DIS3L2: variants seen among roughly 807,000 people sequenced by gnomAD.
DIS3L2 encodes DIS3 like 3'-5' exoribonuclease 2, also known as DIS3-like exonuclease 2.
DIS3L2 carries 34 observed loss-of-function variants against 97.5 expected under a neutral mutation model. The ratio of observed to expected loss-of-function variants is 0.35; its 90% CI spans 0.27 to 0.46. The LOEUF (loss-of-function observed/expected upper bound fraction) is 0.46. Among genes scored for constraint, DIS3L2 ranks in the 20% least tolerant of loss-of-function variants. The probability of loss-of-function intolerance (pLI) is 1.00; values close to 1 mark genes in which losing one functional copy is unlikely to be tolerated. For missense variants in DIS3L2, 1,038 were observed against 1,146.0 expected (o/e 0.91, Z 1.36); for synonymous variants, 435 against 445.2 (o/e 0.98, Z 0.29).
chr2:232,061,591 A>T (rs1394583996), intron 5 of DIS3L2, among the ~76,000 whole-genome samples: 1 of 152,110 alleles, frequency 6.6e-6, no homozygotes, highest in Non-Finnish European at 1.5e-5. Flanking sequence ...TCAACATTCA[A>T]TCTCATAAGC....
Position 232,174,713 on chromosome 2 carries a change from C to T in DIS3L2, c.1124+11081C>T, listed in dbSNP as rs184188046. Among the ~76,000 whole-genome samples the T allele has an allele frequency of 3.3e-5, 5 of 152,032 alleles. No homozygotes were observed. The East Asian group carries it at 7.7e-4, about 24-fold the overall frequency. On this transcript the variant is annotated intron_variant, in intron 9 of 20. Coordinates refer to ENST00000325385, the MANE Select transcript of DIS3L2 (RefSeq NM_152383.5). ...TACCTCTTCCTTTCTAATTTAGATG[C>T]CTTTTATTTCCTTTTGTTATCCAGT...
At chr2:232,077,150 C>G (rs1696215132) in intron 5 of DIS3L2, among the ~76,000 whole-genome samples, 1 of 152,136 alleles carries the variant, frequency 6.6e-6, no homozygotes, top group South Asian at 2.1e-4. Flanking sequence ...TGCCCTCCAC[C>G]CCTACCCACT....
At chr2:232,333,757 G>GCC in intron 16 of DIS3L2, 83 bp from the exon 17 acceptor site, 17 of 1,393,446 alleles carry the variant, frequency 1.2e-5, no homozygotes, top group Admixed American at 7.9e-5. Flanking sequence ...GCTGCCGACG[G>GCC]TGAGGCTGTG....
At chr2:232,059,830 C>T (rs553434186) in intron 5 of DIS3L2, among the ~76,000 whole-genome samples, 46 of 152,226 alleles carry the variant, frequency 3.0e-4, no homozygotes, top group African/African-American at 1.1e-3. Flanking sequence ...TTTTTAATGG[C>T]TGCATGGTAT....
chr2:232,077,949 TTCTTTC>T (rs771845468), intron 5 of DIS3L2, among the ~76,000 whole-genome samples: 313 of 145,406 alleles, frequency 2.2e-3, no homozygotes, highest in Non-Finnish European at 3.7e-3. Flanking sequence ...TTCTTTTTCT[TTCTTTC>T]TCTTTCTTTC....
intron 5 of DIS3L2, among the ~76,000 whole-genome samples, chr2:232,047,975 G>A (rs1315575076): frequency 6.6e-6 from 1 of 152,162 alleles, no homozygotes; most frequent in East Asian, 1.9e-4. Context: ...ATCAGTTGAT[G>A]AACATTTGGG....
intron 1 of DIS3L2, among the ~76,000 whole-genome samples, chr2:232,012,471 G>A (rs1308909438): frequency 1.3e-5 from 2 of 152,158 alleles, no homozygotes; most frequent in Non-Finnish European, 2.9e-5. Flanking sequence ...GGATTGACAT[G>A]TAGTGCCCCA....
intron 10 of DIS3L2, among the ~76,000 whole-genome samples, chr2:232,237,418 G>T (rs954638860): frequency 6.6e-6 from 1 of 152,180 alleles, no homozygotes; most frequent in Non-Finnish European, 1.5e-5. Flanking sequence ...AAGACAGACC[G>T]ACTGTTGATT....
intron 14 of DIS3L2, 28 bp from the exon 15 acceptor site, chr2:232,329,785 T>TCCCCGGGGGGGGGCCCCCCCC: frequency 2.1e-6 from 2 of 967,144 alleles, no homozygotes; most frequent in Non-Finnish European, 2.9e-6. Flanking sequence ...ACCCCAGCGG[T>TCCCCGGGGGGGGGCCCCCCCC]CCCTCCCATC....
At chr2:232,139,497 G>A (rs574107294) in intron 8 of DIS3L2, among the ~76,000 whole-genome samples, 6 of 152,280 alleles carry the variant, frequency 3.9e-5, no homozygotes, top group Admixed American at 6.5e-5. Context: ...AGCAGAGGTG[G>A]GGGTCCAGAG....
intron 13 of DIS3L2, among the ~76,000 whole-genome samples, chr2:232,299,221 G>A (rs915419714): frequency 6.6e-6 from 1 of 152,118 alleles, no homozygotes; most frequent in Non-Finnish European, 1.5e-5. Flanking sequence ...CCCCCTGGCC[G>A]CTCCCCTGAC....
intron 6 of DIS3L2, among the ~76,000 whole-genome samples, chr2:232,092,446 C>T (rs1172604693): frequency 6.6e-6 from 1 of 151,454 alleles, no homozygotes; most frequent in Non-Finnish European, 1.5e-5. Context: ...TGAAGAGTGT[C>T]ATTGGTATTT....
chr2:232,316,255 C>A (rs1381894676), intron 14 of DIS3L2, among the ~76,000 whole-genome samples: 2 of 152,156 alleles, frequency 1.3e-5, no homozygotes, highest in Non-Finnish European at 2.9e-5. Flanking sequence ...AGGAAGGAGT[C>A]ATTCTACAGA....
At chr2:232,230,452 C>T (rs939732027) in intron 10 of DIS3L2, among the ~76,000 whole-genome samples, 3 of 152,186 alleles carry the variant, frequency 2.0e-5, no homozygotes, top group South Asian at 4.1e-4. Context: ...TGTTTTCTAT[C>T]TCTGTTGAGG....
chr2:232,057,804 G>A (rs780835775), intron 5 of DIS3L2, among the ~76,000 whole-genome samples: 2 of 152,034 alleles, frequency 1.3e-5, no homozygotes, highest in African/African-American at 2.4e-5. Context: ...TTTTTGTGTC[G>A]CATAGAAAAC....
At chr2:232,116,209 A>C (rs1258884663) in intron 6 of DIS3L2, among the ~76,000 whole-genome samples, 2 of 149,682 alleles carry the variant, frequency 1.3e-5, no homozygotes, top group Non-Finnish European at 3.0e-5. Flanking sequence ...TAAATAAATA[A>C]ATAAATAAAT....
At chr2:232,142,152 T>G (rs1690077552) in intron 8 of DIS3L2, among the ~76,000 whole-genome samples, 1 of 152,130 alleles carries the variant, frequency 6.6e-6, no homozygotes, top group African/African-American at 2.4e-5. Context: ...CTATAGAGTT[T>G]GTATGTTCTT....
chr2:232,104,662 A>C (rs1292367994), intron 6 of DIS3L2, among the ~76,000 whole-genome samples: 1 of 152,204 alleles, frequency 6.6e-6, no homozygotes, highest in Non-Finnish European at 1.5e-5. Flanking sequence ...AAGTGGAATC[A>C]TACAATATTC....
At chr2:232,147,672 CAG>C (rs1690256088) in intron 8 of DIS3L2, among the ~76,000 whole-genome samples, 1 of 152,100 alleles carries the variant, frequency 6.6e-6, no homozygotes, top group African/African-American at 2.4e-5. Flanking sequence ...AAGCAGAAGA[CAG>C]AAACTACTTA....
Sources: gnomAD v4.1 joint callset for allele counts (sites outside exome capture counted in the v4.1 genomes callset) on GRCh38, gnomAD v4.1.1 for gene constraint, MANE v1.5 for transcripts, NCBI Gene and HGNC (gene_info 2026-07-23, HGNC 2026-07-21) for gene names.